The following ROBO2 variants were observed in gnomAD, a reference collection of about 807,000 sequenced individuals.
ROBO2 encodes the protein roundabout homolog 2.
Under a neutral mutation model 160.8 loss-of-function variants are expected in ROBO2, and 53 were observed. That is an observed-to-expected ratio of 0.33 (90% confidence interval 0.26 to 0.41). The LOEUF (loss-of-function observed/expected upper bound fraction) is 0.41, where lower values mean the gene tolerates loss of function less well. Ranked by LOEUF, ROBO2 falls within the 10% of genes least tolerant of loss-of-function variation. The probability of loss-of-function intolerance (pLI) is 1.00; values close to 1 mark genes in which losing one functional copy is unlikely to be tolerated. For synonymous variants in ROBO2, 664 were observed against 611.7 expected, an observed-to-expected ratio of 1.09 and a Z score of -1.26; for missense variants, 1,577 against 1,722.4, an observed-to-expected ratio of 0.92 and a Z score of 1.49.
At chr3:75,973,970 G>A (rs1254068420) in intron 2 of ROBO2, among the ~76,000 whole-genome samples, 2 of 149,912 alleles carry the variant, frequency 1.3e-5, no homozygotes, top group Non-Finnish European at 3.0e-5. Context: ...TGAGGGAGGA[G>A]AAAAACCATG....
At chr3:76,201,273 C>T (rs538397373) in intron 2 of ROBO2, among the ~76,000 whole-genome samples, 7 of 152,194 alleles carry the variant, frequency 4.6e-5, no homozygotes, top group African/African-American at 1.4e-4. Flanking sequence ...TAATCTTATG[C>T]GAGTGGATTA....
chr3:77,278,323 T>G (rs2153367608), intron 2 of ROBO2, among the ~76,000 whole-genome samples: 1 of 152,282 alleles, frequency 6.6e-6, no homozygotes. Context: ...ATTCAATCTC[T>G]ACTCTGGCCT....
At chr3:77,325,482 A>T (rs539119240) in intron 2 of ROBO2, among the ~76,000 whole-genome samples, 1 of 152,340 alleles carries the variant, frequency 6.6e-6, no homozygotes, top group East Asian at 1.9e-4. Flanking sequence ...GTCTGGTGCC[A>T]TGGGGGCCCT....
At chr3:77,571,903 T>C (rs1343925195) in intron 13 of ROBO2, among the ~76,000 whole-genome samples, 6 of 144,736 alleles carry the variant, frequency 4.1e-5, no homozygotes, top group African/African-American at 1.5e-4. Context: ...AATTTCGTCC[T>C]GAAAAAAAAA....
rs146929577 is a variant in ROBO2, at chr3:77,540,424, G to A, written c.935-5914G>A. On this transcript the variant is annotated intron_variant, in intron 6 of 25. Transcript: ENST00000461745. ...TTTAAGAGTTCCTACTGTGGCATTCGAATAAGCCAGAAGTCAAACCTGTCC... is the reference window on the plus strand; with the variant it reads ...TTTAAGAGTTCCTACTGTGGCATTCAAATAAGCCAGAAGTCAAACCTGTCC... Among the ~76,000 whole-genome samples, 337 of 152,124 alleles carry A rather than the reference G, an allele frequency of 2.2e-3. 1 individual carries two copies. The highest frequency in any genetic ancestry group is 5.2e-3 in the African/African-American group (217 of 41,470).
chr3:76,626,347 C>T (rs1416214183), intron 2 of ROBO2, among the ~76,000 whole-genome samples: 4 of 152,010 alleles, frequency 2.6e-5, no homozygotes, highest in Non-Finnish European at 5.9e-5. Flanking sequence ...TCCAGTATAG[C>T]AAACATATCT....
chr3:76,460,983 A>G (rs1471172563), intron 2 of ROBO2, among the ~76,000 whole-genome samples: 2 of 152,196 alleles, frequency 1.3e-5, no homozygotes, highest in East Asian at 3.9e-4. Flanking sequence ...TAAAATCTTA[A>G]TATAAGTCAG....
chr3:77,266,909 CA>C (rs753340858), intron 2 of ROBO2, among the ~76,000 whole-genome samples: 1 of 151,950 alleles, frequency 6.6e-6, no homozygotes, highest in Non-Finnish European at 1.5e-5. Context: ...TTTTGTGAAA[CA>C]AAAAATGTTG....
intron 2 of ROBO2, among the ~76,000 whole-genome samples, chr3:76,064,117 C>G (rs1035267359): frequency 6.6e-6 from 1 of 152,154 alleles, no homozygotes; most frequent in African/African-American, 2.4e-5. Context: ...CTCCAAGTTT[C>G]ACGTGAGAAT....
At chr3:77,607,150 T>C (rs894240063) in intron 20 of ROBO2, among the ~76,000 whole-genome samples, 1 of 152,194 alleles carries the variant, frequency 6.6e-6, no homozygotes, top group African/African-American at 2.4e-5. Flanking sequence ...CTGTATTAAT[T>C]TTTCCTCCTT....
chr3:76,994,914 T>C (rs2060901112), intron 2 of ROBO2, among the ~76,000 whole-genome samples: 1 of 152,200 alleles, frequency 6.6e-6, no homozygotes, highest in African/African-American at 2.4e-5. Flanking sequence ...TTCATTAATT[T>C]GGAATTAGGA....
chr3:77,277,018 A>G (rs1580587572), intron 2 of ROBO2, among the ~76,000 whole-genome samples: 2 of 152,274 alleles, frequency 1.3e-5, no homozygotes, highest in Non-Finnish European at 1.5e-5. Context: ...TTGCAATTCA[A>G]GGTGAGATAT....
intron 2 of ROBO2, among the ~76,000 whole-genome samples, chr3:76,237,919 G>A (rs537351792): frequency 7.7e-4 from 117 of 152,216 alleles, no homozygotes; most frequent in African/African-American, 2.3e-3. Flanking sequence ...AAGGCATACC[G>A]AAGAGAGGCA....
At chr3:76,503,018 G>C (rs1441665606) in intron 2 of ROBO2, among the ~76,000 whole-genome samples, 1 of 142,490 alleles carries the variant, frequency 7.0e-6, no homozygotes, top group African/African-American at 3.1e-5. Flanking sequence ...GTGTGTGTGT[G>C]TGCGCGCGCA....
intron 2 of ROBO2, among the ~76,000 whole-genome samples, chr3:76,822,472 A>G (rs1032560034): frequency 2.5e-4 from 38 of 152,056 alleles, no homozygotes; most frequent in Non-Finnish European, 7.4e-5. Context: ...TAGAATATAA[A>G]ATGGAAATTA....
chr3:77,556,676 T>C (rs2093134417), intron 8 of ROBO2, among the ~76,000 whole-genome samples: 1 of 151,968 alleles, frequency 6.6e-6, no homozygotes, highest in Admixed American at 6.6e-5. Context: ...CAAACTGTTT[T>C]CAATTGTATA....
At chr3:76,277,164 T>G (rs1707974138) in intron 2 of ROBO2, among the ~76,000 whole-genome samples, 1 of 152,014 alleles carries the variant, frequency 6.6e-6, no homozygotes, top group South Asian at 2.1e-4. Context: ...AGCAATTCTT[T>G]TTTTTACTCT....
At chr3:76,548,710 C>T (rs1316064001) in intron 2 of ROBO2, among the ~76,000 whole-genome samples, 2 of 149,656 alleles carry the variant, frequency 1.3e-5, no homozygotes, top group African/African-American at 2.5e-5. Flanking sequence ...GGAGAAGTAA[C>T]AGTTATTTCT....
At chr3:76,515,343 A>G (rs6792871) in intron 2 of ROBO2, among the ~76,000 whole-genome samples, 93,968 of 151,960 alleles carry the variant, frequency 0.62, 29,360 homozygotes, top group African/African-American at 0.69. Context: ...TATATTTTGA[A>G]GTCTATTTTA....
Sources: allele counts gnomAD v4.1 joint callset (sites outside exome capture counted in the v4.1 genomes callset), GRCh38; gene constraint gnomAD v4.1.1; transcripts MANE v1.5; gene names NCBI Gene and HGNC (gene_info 2026-07-23, HGNC 2026-07-21).